Variants in GRID2 observed in about 807,000 individuals in gnomAD.
GRID2 encodes the protein glutamate receptor ionotropic, delta-2.
A neutral mutation model predicts 114.8 loss-of-function variants in GRID2; 33 were observed. The ratio of observed to expected loss-of-function variants is 0.29; its 90% CI spans 0.22 to 0.38. The LOEUF is 0.38. GRID2 is among the 10% of genes least tolerant of loss of function. The pLI is 1.00. For missense variants in GRID2, 1,184 were observed against 1,257.7 expected (o/e 0.94, Z 0.89); for synonymous variants, 505 against 449.9 (o/e 1.12, Z -1.55).
intron 2 of GRID2, among the ~76,000 whole-genome samples, chr4:92,845,745 C>T (rs1743267515): frequency 6.6e-6 from 1 of 152,022 alleles, no homozygotes; most frequent in South Asian, 2.1e-4. Context: ...CATCCTAGAC[C>T]TCTTTATATT....
intron 2 of GRID2, among the ~76,000 whole-genome samples, chr4:93,084,190 T>G (rs1730129663): frequency 1.3e-5 from 2 of 152,216 alleles, no homozygotes; most frequent in South Asian, 4.1e-4. Context: ...CTCTTTTTTC[T>G]GTGTATACAA....
At chr4:92,895,572 A>C (rs907233142) in intron 2 of GRID2, among the ~76,000 whole-genome samples, 1 of 151,834 alleles carries the variant, frequency 6.6e-6, no homozygotes, top group African/African-American at 2.4e-5. Flanking sequence ...ACATCTTCAC[A>C]ATTTGAGTTA....
intron 14 of GRID2, among the ~76,000 whole-genome samples, chr4:93,758,803 T>C (rs527754158): frequency 1.3e-5 from 2 of 152,304 alleles, no homozygotes; most frequent in South Asian, 4.1e-4. Context: ...AAGTTTTGCA[T>C]AAGAAAAATG....
At chr4:92,820,506 G>C (rs1221222164) in intron 2 of GRID2, among the ~76,000 whole-genome samples, 1 of 152,032 alleles carries the variant, frequency 6.6e-6, no homozygotes, top group East Asian at 1.9e-4. Context: ...TGAAAACAAA[G>C]AAAGAAAACA....
At position 92,795,010 on chromosome 4, in the gene GRID2, A is replaced by G. The variant is rs1578201309; in HGVS notation, c.244+204724A>G. On this transcript the variant is annotated intron_variant, in intron 2 of 15. Transcript: ENST00000282020. ...ATAAGGAAGAGAAAATATATTCACT[A>G]TTAATTAAGTGGTAGTGAATCATTA... Among the ~76,000 whole-genome samples the G allele has an allele frequency of 2.6e-5, 4 of 151,122 alleles. No individual in the cohort carries two copies. The Admixed American group carries it at 2.6e-4, about 10-fold the overall frequency.
At chr4:93,719,068 T>A (rs1729141757) in intron 14 of GRID2, among the ~76,000 whole-genome samples, 1 of 151,830 alleles carries the variant, frequency 6.6e-6, no homozygotes, top group Non-Finnish European at 1.5e-5. Flanking sequence ...AAATGTTATA[T>A]ATATTAAGTA....
At chr4:92,505,899 CTTTT>C (rs1723942006) in intron 1 of GRID2, among the ~76,000 whole-genome samples, 1 of 151,846 alleles carries the variant, frequency 6.6e-6, no homozygotes, top group African/African-American at 2.4e-5. Context: ...CCTGAAATCT[CTTTT>C]TATATTTGAG....
chr4:93,650,015 GC>G (rs1722446557), intron 14 of GRID2, among the ~76,000 whole-genome samples: 2 of 152,058 alleles, frequency 1.3e-5, no homozygotes, highest in Non-Finnish European at 2.9e-5. Flanking sequence ...CCCTGACCCA[GC>G]CCCCCATCTG....
At chr4:92,998,986 C>T (rs1200596499) in intron 2 of GRID2, among the ~76,000 whole-genome samples, 9 of 151,628 alleles carry the variant, frequency 5.9e-5, no homozygotes, top group Middle Eastern at 3.2e-3. Flanking sequence ...AGCTTGAGGT[C>T]TTTTATTTTA....
At chr4:93,333,031 GAT>G (rs1160008522) in intron 8 of GRID2, among the ~76,000 whole-genome samples, 1 of 152,072 alleles carries the variant, frequency 6.6e-6, no homozygotes, top group Non-Finnish European at 1.5e-5. Context: ...TGTATTTGAT[GAT>G]AATAATAATG....
intron 14 of GRID2, among the ~76,000 whole-genome samples, chr4:93,714,745 G>C (rs965930916): frequency 2.6e-5 from 4 of 152,026 alleles, no homozygotes; most frequent in Non-Finnish European, 5.9e-5. Flanking sequence ...AAAAGTGTCT[G>C]TCATGTCCTT....
intron 14 of GRID2, among the ~76,000 whole-genome samples, chr4:93,657,314 T>C (rs734334): frequency 1.3e-5 from 2 of 152,158 alleles, no homozygotes; most frequent in Admixed American, 6.5e-5. Context: ...GTATATCATA[T>C]GTAATACTTA....
chr4:93,700,240 C>G (rs1483311799), intron 14 of GRID2, among the ~76,000 whole-genome samples: 1 of 152,074 alleles, frequency 6.6e-6, no homozygotes, highest in South Asian at 2.1e-4. Context: ...CCTAGACAGT[C>G]AAGTGGAGAG....
chr4:93,498,721 G>C (rs936582345), intron 12 of GRID2, among the ~76,000 whole-genome samples: 2 of 151,802 alleles, frequency 1.3e-5, no homozygotes, highest in African/African-American at 4.8e-5. Context: ...CATTTACAAA[G>C]TCAGGTGGTT....
In GRID2 at chr4:92,363,954, G is replaced by A. The variant is rs80320922; in HGVS notation, c.88+59210G>A. On this transcript the variant is annotated intron_variant, in intron 1 of 15. Coordinates refer to ENST00000282020, the MANE Select transcript of GRID2 (RefSeq NM_001510.4). ...TGTGTCTCAACTCCCCAGGTAGCTA[G>A]GATTACAGGCACCCGCCACTATGCC... 7.6e-3 allele frequency among the ~76,000 whole-genome samples: 1,149 copies of A among 150,706 alleles called. 11 individuals carry two copies. Among genetic ancestry groups the A allele is most frequent in the African/African-American group, 0.027 (1,111 of 41,056 alleles).
At chr4:93,517,900 A>G (rs1234177257) in intron 13 of GRID2, among the ~76,000 whole-genome samples, 1 of 149,666 alleles carries the variant, frequency 6.7e-6, no homozygotes, top group African/African-American at 2.5e-5. Context: ...ATATATATAT[A>G]TGTATGTGTG....
At chr4:92,367,628 A>T (rs1197109541) in intron 1 of GRID2, among the ~76,000 whole-genome samples, 3 of 152,170 alleles carry the variant, frequency 2.0e-5, no homozygotes, top group South Asian at 2.1e-4. Context: ...TTAAAGGGAG[A>T]TGTGTAGCTG....
chr4:92,441,243 G>C (rs935363987), intron 1 of GRID2, among the ~76,000 whole-genome samples: 29 of 152,240 alleles, frequency 1.9e-4, no homozygotes, highest in South Asian at 4.1e-4. Flanking sequence ...GGGAGAGCAC[G>C]TGTGTTTTTA....
At chr4:92,340,341 G>T (rs997401343) in intron 1 of GRID2, among the ~76,000 whole-genome samples, 2 of 152,110 alleles carry the variant, frequency 1.3e-5, no homozygotes, top group Non-Finnish European at 2.9e-5. Flanking sequence ...TCCCGCATGA[G>T]TGTCCCAAAG....
Sources: allele counts gnomAD v4.1 joint callset (sites outside exome capture counted in the v4.1 genomes callset), GRCh38; gene constraint gnomAD v4.1.1; transcripts MANE v1.5; gene names NCBI Gene and HGNC (gene_info 2026-07-23, HGNC 2026-07-21).